Variants in TMED10 observed in about 807,000 individuals in gnomAD.
The protein encoded by TMED10 is transmembrane p24 trafficking protein 10, also known as transmembrane emp24 domain-containing protein 10.
TMED10 carries 7 observed loss-of-function variants against 23.1 expected under a neutral mutation model. The observed-to-expected ratio is 0.30, with a 90% CI of 0.17 to 0.57. The LOEUF is 0.57. Ranked by LOEUF, TMED10 falls within the 20% of genes least tolerant of loss-of-function variation. TMED10 has a pLI of 0.91. For missense variants in TMED10, 162 were observed against 274.8 expected, an observed-to-expected ratio of 0.59 and a Z score of 2.90; for synonymous variants, 113 against 106.9, an observed-to-expected ratio of 1.06 and a Z score of -0.35.
intron 1 of TMED10, among the ~76,000 whole-genome samples, chr14:75,162,567 T>C (rs1480720560): frequency 6.6e-6 from 1 of 152,156 alleles, no homozygotes; most frequent in Admixed American, 6.6e-5. Context: ...AAGTGTGGGC[T>C]ACATAAAGTG....
intron 4 of TMED10, 142 bp downstream of exon 4, chr14:75,135,618 G>A: frequency 8.7e-7 from 1 of 1,155,956 alleles, no homozygotes. Context: ...TTTACCTTTA[G>A]CAGCAACAAC....
chr14:75,149,634 G>T (rs767934530), intron 2 of TMED10, among the ~76,000 whole-genome samples: 5 of 152,202 alleles, frequency 3.3e-5, no homozygotes, highest in Non-Finnish European at 5.9e-5. Context: ...AACTGGTTCA[G>T]ACAATTCCAA....
intron 1 of TMED10, among the ~76,000 whole-genome samples, chr14:75,155,252 G>A (rs1378539874): frequency 1.3e-5 from 2 of 152,254 alleles, no homozygotes; most frequent in East Asian, 1.9e-4. Context: ...GAGCCACCAC[G>A]CCCGGCCTAA....
At chr14:75,173,658 G>A (rs1319118181) in intron 1 of TMED10, among the ~76,000 whole-genome samples, 2 of 152,176 alleles carry the variant, frequency 1.3e-5, no homozygotes, top group Admixed American at 6.5e-5. Context: ...GAACAGAGCA[G>A]ACACAGGAGA....
At chr14:75,156,399 G>C (rs1896019036) in intron 1 of TMED10, among the ~76,000 whole-genome samples, 2 of 151,912 alleles carry the variant, frequency 1.3e-5, no homozygotes, top group Non-Finnish European at 2.9e-5. Flanking sequence ...ATTTTAAGGA[G>C]GTAGAGTCTA....
chr14:75,164,763 C>T (rs1300019023), intron 1 of TMED10, among the ~76,000 whole-genome samples: 1 of 146,278 alleles, frequency 6.8e-6, no homozygotes, highest in African/African-American at 2.6e-5. Flanking sequence ...TAATGGATGG[C>T]AAACTAGATA....
intron 2 of TMED10, among the ~76,000 whole-genome samples, chr14:75,149,174 C>A (rs1381247649): frequency 6.6e-6 from 1 of 152,244 alleles, no homozygotes; most frequent in Non-Finnish European, 1.5e-5. Context: ...GCCTCAGCCT[C>A]CCAAAGTGCT....
chr14:75,167,405 C>A (rs1415068861), intron 1 of TMED10, among the ~76,000 whole-genome samples: 1 of 151,610 alleles, frequency 6.6e-6, no homozygotes, highest in Non-Finnish European at 1.5e-5. Context: ...CGCCCCTCTG[C>A]CTCTCTCTCT....
Position 75,150,383 on chromosome 14 carries a change from C to A in TMED10, c.337+1649G>T, listed in dbSNP as rs375280546. On this transcript the variant is annotated intron_variant, in intron 2 of 4. Transcript: ENST00000303575. ...GTTGTGAAACTTAAGCAGTTCACAG[C>A]CCCACCTGGTCCAAATGATCAGGAT... Among the ~76,000 whole-genome samples the A allele has an allele frequency of 1.3e-4, 20 of 152,284 alleles. No homozygotes were observed. The South Asian group carries it at 4.1e-3, about 32-fold the overall frequency.
At chr14:75,138,812 C>CTTTTTTTTTTTTTTTTTTTTTTTTTTTTT (rs59707221) in intron 3 of TMED10, among the ~76,000 whole-genome samples, 3 of 95,052 alleles carry the variant, frequency 3.2e-5, no homozygotes, top group African/African-American at 7.2e-5. Context: ...GCCTTTGCTT[C>CTTTTTTTTTTTTTTTTTTTTTTTTTTTTT]TTTTTTTTTT....
At chr14:75,166,804 C>T (rs1244162636) in intron 1 of TMED10, among the ~76,000 whole-genome samples, 8 of 152,144 alleles carry the variant, frequency 5.3e-5, no homozygotes, top group Admixed American at 5.2e-4. Flanking sequence ...CAGTGAACAA[C>T]AGTCACGTTA....
intron 1 of TMED10, among the ~76,000 whole-genome samples, chr14:75,154,825 G>A (rs1216092373): frequency 1.3e-5 from 2 of 151,772 alleles, no homozygotes; most frequent in African/African-American, 2.4e-5. Flanking sequence ...CACCACACCC[G>A]GCTAATTTTT....
chr14:75,164,557 ATATATATATATATATATATATTTTT>A (rs1319388464), intron 1 of TMED10, among the ~76,000 whole-genome samples: 299 of 14,854 alleles, frequency 0.02, 8 homozygotes, highest in African/African-American at 0.031. Flanking sequence ...ATATATATAT[ATATATATATATATATATATATTTTT>A]TTTTTTTTTT....
At chr14:75,166,143 C>T (rs533428398) in intron 1 of TMED10, among the ~76,000 whole-genome samples, 4 of 152,254 alleles carry the variant, frequency 2.6e-5, no homozygotes, top group South Asian at 4.1e-4. Context: ...AAACCTCCAG[C>T]GTGACCCTTT....
chr14:75,142,707 T>C (rs1895837628), intron 3 of TMED10, among the ~76,000 whole-genome samples: 1 of 152,196 alleles, frequency 6.6e-6, no homozygotes, highest in African/African-American at 2.4e-5. Flanking sequence ...CGTAAAGACC[T>C]GAGACTTGGT....
intron 3 of TMED10, among the ~76,000 whole-genome samples, chr14:75,141,245 G>A (rs1895818712): frequency 6.6e-6 from 1 of 152,190 alleles, no homozygotes; most frequent in Non-Finnish European, 1.5e-5. Context: ...GGCATTCAAG[G>A]CTGAGGGGAA....
intron 1 of TMED10, among the ~76,000 whole-genome samples, chr14:75,161,543 G>A (rs140179909): frequency 6.6e-6 from 1 of 152,316 alleles, no homozygotes; most frequent in African/African-American, 2.4e-5. Flanking sequence ...TTATCAGGAA[G>A]ATCCTCGTAA....
rs116091381 is a variant in TMED10, at chr14:75,149,781, C to T, written c.338-2044G>A. On this transcript the variant is annotated intron_variant, in intron 2 of 4. Coordinates refer to ENST00000303575, the MANE Select transcript of TMED10 (RefSeq NM_006827.6). Reference sequence around the variant, plus strand: ...TGAGCAAAGGCTCAGATATTAAAATCGGAGTATGGCATGCTTGAAAGACAG... The same window carrying T: ...TGAGCAAAGGCTCAGATATTAAAATTGGAGTATGGCATGCTTGAAAGACAG... Among the ~76,000 whole-genome samples the T allele has an allele frequency of 8.7e-3, 1,329 of 152,256 alleles. 27 individuals are homozygous for T. Among genetic ancestry groups the T allele is most frequent in the African/African-American group, 0.03 (1,265 of 41,544 alleles).
chr14:75,172,642 G>A lies in TMED10; in HGVS notation c.225+3713C>T, dbSNP rs181947292. 3.1e-3 allele frequency among the ~76,000 whole-genome samples: 473 copies of A among 152,220 alleles called. 14 individuals carry two copies. Among genetic ancestry groups the A allele is most frequent in the Admixed American group, 0.026 (396 of 15,276 alleles). ...CATTTTGTGAGGCGTGATTAGCCAC[G>A]TAACATTGTGGTTTATATTTTTAAA... On this transcript the variant is annotated intron_variant, in intron 1 of 4. Transcript: ENST00000303575.
Sources: gnomAD v4.1 joint callset for allele counts (sites outside exome capture counted in the v4.1 genomes callset) on GRCh38, gnomAD v4.1.1 for gene constraint, MANE v1.5 for transcripts, NCBI Gene and HGNC (gene_info 2026-07-23, HGNC 2026-07-21) for gene names.